The following ACAD10 variants were observed in gnomAD, a reference collection of about 807,000 sequenced individuals.
The protein encoded by ACAD10 is ACAD-10.
ACAD10 carries 112 observed loss-of-function variants against 116.8 expected under a neutral mutation model. The observed-to-expected ratio is 0.96, with a 90% confidence interval of 0.82 to 1.12. ACAD10 has a LOEUF of 1.12. Among genes scored for constraint, ACAD10 ranks in the 50% most tolerant of loss-of-function variants. The pLI is 0.00. For missense variants in ACAD10, 1,259 were observed against 1,350.2 expected (o/e 0.93, Z 1.06); for synonymous variants, 486 against 510.6 (o/e 0.95, Z 0.65).
rs570494959 is a variant in ACAD10 at position 111,720,291 on chromosome 12, A to G, written c.993-1380A>G. ...GCAATATCTGAGTGAGTGGTATACA[A>G]ATGTCCATCAGATCAAGTTGGTAGT... is the stretch of plus-strand genomic sequence containing the variant. On this transcript the variant is annotated intron_variant, in intron 7 of 20. Coordinates refer to ENST00000313698, the MANE Select transcript of ACAD10 (RefSeq NM_025247.6). Among the ~76,000 whole-genome samples, 144 of 152,348 alleles carry G rather than the reference A, an allele frequency of 9.5e-4. 3 individuals are homozygous for G. Among genetic ancestry groups the G allele is most frequent in the Middle Eastern group, 3.4e-3 (1 of 294 alleles).
At chr12:111,701,594 G>A (rs1888351391) in intron 2 of ACAD10, among the ~76,000 whole-genome samples, 1 of 152,208 alleles carries the variant, frequency 6.6e-6, no homozygotes, top group South Asian at 2.1e-4. Flanking sequence ...GTACCTGTGA[G>A]GTGGAGGTTG....
Position 111,737,007 on chromosome 12 carries a change from A to G in ACAD10, c.1714+3A>G, listed in dbSNP as rs1276085604. On this transcript the variant is annotated splice_donor_region_variant and intron_variant, in intron 12 of 20. Transcript: ENST00000313698. ...AGTCTACAAGCGATCACTCACAGGT[A>G]ATGGGATGGCTGCCCTGAAGAGCCA... 3.1e-6 allele frequency: 5 copies of G among 1,612,752 alleles called. No individual in the cohort carries two copies. In the Admixed American group the frequency reaches 5.0e-5, roughly 16 times the overall value.
intron 7 of ACAD10, among the ~76,000 whole-genome samples, chr12:111,720,791 T>A (rs903860355): frequency 1.3e-5 from 2 of 151,834 alleles, no homozygotes; most frequent in South Asian, 2.1e-4. Flanking sequence ...TATTTTATTT[T>A]ATTTTTTTTT....
chr12:111,735,731 A>G (rs997725092), intron 11 of ACAD10, among the ~76,000 whole-genome samples: 1 of 152,214 alleles, frequency 6.6e-6, no homozygotes, highest in African/African-American at 2.4e-5. Context: ...CTAGGATTAC[A>G]GGCGTGAGCC....
At chr12:111,716,017 C>A (rs1888837506) in intron 7 of ACAD10, 55 bp downstream of exon 7, 3 of 1,606,134 alleles carry the variant, frequency 1.9e-6, no homozygotes, top group Non-Finnish European at 2.6e-6. Context: ...TGTGCACAAG[C>A]TCAGCCCTAA....
intron 2 of ACAD10, among the ~76,000 whole-genome samples, chr12:111,696,754 G>GAAAAAAAAA (rs747300749): frequency 2.6e-5 from 4 of 152,010 alleles, no homozygotes; most frequent in Non-Finnish European, 5.9e-5. Flanking sequence ...TTTTCTCCAA[G>GAAAAAAAAA]AATGCATTTT....
chr12:111,721,631 T>A, intron 7 of ACAD10, 40 bp from the exon 8 acceptor site: 1 of 1,512,912 alleles, frequency 6.6e-7, no homozygotes, highest in Non-Finnish European at 9.0e-7. Flanking sequence ...ATCTCATCAA[T>A]TCAGCCAGCA....
chr12:111,757,019 C>T lies in ACAD10; in HGVS notation c.*546C>T, dbSNP rs1289315129. The T allele has an allele frequency of 2.7e-6, 1 of 376,844 alleles. No individual in the cohort carries two copies. Among genetic ancestry groups the T allele is most frequent in the Non-Finnish European group, 5.3e-6 (1 of 189,240 alleles). The allele number at this position is 376,844 out of a possible 1,614,324, so 23.3% of individuals were successfully genotyped here. On this transcript the variant is annotated 3_prime_UTR_variant, in exon 21 of 21. Coordinates refer to ENST00000313698, the MANE Select transcript of ACAD10 (RefSeq NM_025247.6). The stretch of plus-strand genomic sequence containing the variant: ...ATCTGATTATCTCCATTTGAACACA[C>T]AGCACAGAACAATCATTTAAATGTT...
chr12:111,727,618 C>T (rs750065431), intron 8 of ACAD10, among the ~76,000 whole-genome samples: 5 of 152,120 alleles, frequency 3.3e-5, no homozygotes, highest in Non-Finnish European at 7.3e-5. Context: ...CTGCTTGCTA[C>T]ATTATTACAC....
At chr12:111,713,642 GAAAA>G (rs962774673) in intron 6 of ACAD10, among the ~76,000 whole-genome samples, 3 of 136,972 alleles carry the variant, frequency 2.2e-5, no homozygotes, top group Non-Finnish European at 4.8e-5. Flanking sequence ...AAAAGGAAAA[GAAAA>G]AAAAAAAGGG....
At chr12:111,729,096 A>G (rs1192710561) in intron 9 of ACAD10, among the ~76,000 whole-genome samples, 1 of 152,232 alleles carries the variant, frequency 6.6e-6, no homozygotes, top group Non-Finnish European at 1.5e-5. Flanking sequence ...TAGAGATGTT[A>G]AGTAACCTGC....
chr12:111,692,981 T>C (rs527803626), intron 2 of ACAD10, 85 bp downstream of exon 2: 32 of 1,484,390 alleles, frequency 2.2e-5, no homozygotes, highest in Admixed American at 3.7e-5. Flanking sequence ...AGGGGAACAC[T>C]TGGGCAGCAG....
Position 111,712,669 on chromosome 12 carries a change from T to G in ACAD10, c.850+12T>G, listed in dbSNP as rs780372935. 6 of 1,612,120 alleles carry G rather than the reference T, an allele frequency of 3.7e-6. No individual in the cohort carries two copies. In the South Asian group the frequency reaches 5.5e-5, roughly 15 times the overall value. ...TATCCAGACCACAGGTATGTGGGCT[T>G]CTTTCATGTTTTGGTAGCTCTCTCC... On this transcript the variant is annotated intron_variant, in intron 6 of 20. Transcript: ENST00000313698.
intron 8 of ACAD10, among the ~76,000 whole-genome samples, chr12:111,723,967 G>A (rs1277264052): frequency 6.6e-6 from 1 of 150,896 alleles, no homozygotes; most frequent in Non-Finnish European, 1.5e-5. Context: ...GGGCAGAGGC[G>A]CTCCCCACAT....
chr12:111,755,296 G>T (rs370645560), intron 19 of ACAD10, among the ~76,000 whole-genome samples: 7 of 152,088 alleles, frequency 4.6e-5, no homozygotes, highest in African/African-American at 1.4e-4. Flanking sequence ...TAGAGACTGG[G>T]TTTCACTATA....
At chr12:111,710,187 T>G in intron 5 of ACAD10, 1 of 403,100 alleles carries the variant, frequency 2.5e-6, no homozygotes, top group Admixed American at 2.6e-5. Context: ...CCTCCTGGGC[T>G]TAAGTGATCC....
At chr12:111,694,765 C>T (rs1027334075) in intron 2 of ACAD10, among the ~76,000 whole-genome samples, 1 of 152,202 alleles carries the variant, frequency 6.6e-6, no homozygotes, top group Non-Finnish European at 1.5e-5. Context: ...GCAGCTCACA[C>T]CTGTAATCTC....
At chr12:111,724,859 A>C (rs1889167001) in intron 8 of ACAD10, among the ~76,000 whole-genome samples, 1 of 146,632 alleles carries the variant, frequency 6.8e-6, no homozygotes, top group African/African-American at 2.6e-5. Flanking sequence ...GAGACCGTGG[A>C]AAGAGAGGGA....
At chr12:111,724,606 C>T (rs1469691732) in intron 8 of ACAD10, among the ~76,000 whole-genome samples, 2 of 152,226 alleles carry the variant, frequency 1.3e-5, no homozygotes, top group Non-Finnish European at 2.9e-5. Context: ...GGCTGGAGAC[C>T]GGCCTGGCCA....
Sources: allele counts gnomAD v4.1 joint callset (sites outside exome capture counted in the v4.1 genomes callset), GRCh38; gene constraint gnomAD v4.1.1; transcripts MANE v1.5; gene names NCBI Gene and HGNC (gene_info 2026-07-23, HGNC 2026-07-21).